CATSPERB: variants seen among roughly 807,000 people sequenced by gnomAD.
CATSPERB encodes the protein cation channel sperm-associated auxiliary subunit beta.
A neutral mutation model predicts 128.3 loss-of-function variants in CATSPERB; 93 were observed. That is an observed-to-expected ratio of 0.72 (90% CI 0.61 to 0.86). CATSPERB has a LOEUF of 0.86. Among genes scored for constraint, CATSPERB ranks in the 40% least tolerant of loss-of-function variants. The pLI is 0.00. For missense variants in CATSPERB, 1,153 were observed against 1,329.5 expected, an observed-to-expected ratio of 0.87 and a Z score of 2.06; for synonymous variants, 381 against 448.8, an observed-to-expected ratio of 0.85 and a Z score of 1.91.
rs1048427316 is a variant in CATSPERB, at chr14:91,685,574, G to C, written c.865-1631C>G. 2.6e-5 allele frequency among the ~76,000 whole-genome samples: 4 copies of C among 152,144 alleles called. No individual in the cohort carries two copies. The East Asian group carries it at 7.7e-4, about 29-fold the overall frequency. Reference sequence around the variant, plus strand: ...ACCTAAAATCTTGTGAGGCTAGTCTGGGGGCTCAACAGACAAAATAGGGTG... The same window carrying C: ...ACCTAAAATCTTGTGAGGCTAGTCTCGGGGCTCAACAGACAAAATAGGGTG... On this transcript the variant is annotated intron_variant, in intron 10 of 26. Transcript: ENST00000256343.
chr14:91,624,891 C>T lies in CATSPERB; in HGVS notation c.1859G>A (p.Ser620Asn). 6.2e-7 allele frequency: 1 copy of T among 1,612,488 alleles called. No homozygotes were observed. The highest frequency in any genetic ancestry group is 8.5e-7 in the Non-Finnish European group (1 of 1,179,484). Reference protein sequence around the residue: ...EPFGLEEVNESSCLSSSLLIN... With the variant: ...EPFGLEEVNENSCLSSSLLIN... ...CAAAAGGGAACTAGACAAACAAGAG[C>T]TCTCATTCACTTCTTCTAATCCAAA... is the stretch of plus-strand genomic sequence containing the variant. Residue 620 changes from serine to asparagine, a missense_variant, in exon 18 of 27, where the codon AGC becomes AAC. Ser to Asn is a conservative substitution (Grantham distance 46, BLOSUM62 1). Transcript: ENST00000256343.
At chr14:91,694,727 C>T (rs1264260496) in intron 7 of CATSPERB, among the ~76,000 whole-genome samples, 1 of 152,154 alleles carries the variant, frequency 6.6e-6, no homozygotes, top group Non-Finnish European at 1.5e-5. Context: ...TTCACTAAAA[C>T]CTTGTAAATG....
chr14:91,727,291 T>G (rs1405399288), intron 2 of CATSPERB, among the ~76,000 whole-genome samples: 1 of 152,172 alleles, frequency 6.6e-6, no homozygotes, highest in Non-Finnish European at 1.5e-5. Flanking sequence ...AGTTTATTGT[T>G]CTAGGAGAAC....
intron 23 of CATSPERB, among the ~76,000 whole-genome samples, chr14:91,590,873 A>C (rs1270715355): frequency 6.6e-6 from 1 of 151,616 alleles, no homozygotes; most frequent in Non-Finnish European, 1.5e-5. Context: ...GGATGGTCTC[A>C]ATCTCCTGAC....
At chr14:91,660,116 T>TCACACA (rs56413235) in intron 14 of CATSPERB, 135 bp from the exon 15 acceptor site, 181 of 239,308 alleles carry the variant, frequency 7.6e-4, no homozygotes, top group Admixed American at 1.6e-3. Flanking sequence ...TCTCTCTCTC[T>TCACACA]CACACACACA....
rs571011123 is a variant in CATSPERB at position 91,658,209 on chromosome 14, G to A, written c.1432+1628C>T. Among the ~76,000 whole-genome samples the A allele has an allele frequency of 1.4e-3, 215 of 152,262 alleles. 1 individual carries two copies. Among genetic ancestry groups the A allele is most frequent in the Non-Finnish European group, 2.2e-3 (147 of 67,998 alleles). On this transcript the variant is annotated intron_variant, in intron 15 of 26. Coordinates refer to ENST00000256343, the MANE Select transcript of CATSPERB (RefSeq NM_024764.4). ...ATGGAGTACTATTCAGCCATAAAAAGAATGAGATCCTGTCATTTGCAACAA... is the reference window on the plus strand; with the variant it reads ...ATGGAGTACTATTCAGCCATAAAAAAAATGAGATCCTGTCATTTGCAACAA...
At chr14:91,703,043 C>T (rs927477154) in intron 7 of CATSPERB, among the ~76,000 whole-genome samples, 15 of 151,900 alleles carry the variant, frequency 9.9e-5, no homozygotes, top group African/African-American at 2.9e-4. Flanking sequence ...TTCTAGCATA[C>T]CCATATTTGT....
chr14:91,692,700 T>A (rs1895492623), intron 9 of CATSPERB, among the ~76,000 whole-genome samples: 1 of 152,190 alleles, frequency 6.6e-6, no homozygotes, highest in Non-Finnish European at 1.5e-5. Context: ...AATTTTATGG[T>A]ATGCATATTA....
chr14:91,662,959 T>C (rs1894911033), intron 14 of CATSPERB, among the ~76,000 whole-genome samples: 1 of 152,214 alleles, frequency 6.6e-6, no homozygotes, highest in South Asian at 2.1e-4. Flanking sequence ...GTTAAATGTA[T>C]TGTAAATATC....
chr14:91,636,638 A>T, intron 16 of CATSPERB, 59 bp from the exon 17 acceptor site: 16 of 1,376,130 alleles, frequency 1.2e-5, no homozygotes, highest in Non-Finnish European at 1.6e-5. Context: ...AATTATGACA[A>T]AATTGAAGTC....
At chr14:91,730,028 C>T (rs1280628062) in intron 1 of CATSPERB, among the ~76,000 whole-genome samples, 5 of 152,164 alleles carry the variant, frequency 3.3e-5, no homozygotes, top group Non-Finnish European at 1.5e-5. Flanking sequence ...ATTGCTTAAT[C>T]TCACTGTACC....
At chr14:91,698,156 G>A (rs1895593120) in intron 7 of CATSPERB, among the ~76,000 whole-genome samples, 1 of 152,034 alleles carries the variant, frequency 6.6e-6, no homozygotes, top group African/African-American at 2.4e-5. Flanking sequence ...ATGGGATTGT[G>A]CTCTCGATTT....
intron 22 of CATSPERB, among the ~76,000 whole-genome samples, chr14:91,595,138 A>G (rs1159514103): frequency 6.6e-6 from 1 of 152,118 alleles, no homozygotes; most frequent in Non-Finnish European, 1.5e-5. Flanking sequence ...CCAGTTTCCC[A>G]TTTTTACTAA....
rs574779815 is a variant in CATSPERB at position 91,719,590 on chromosome 14, C to G, written c.310-112G>C. On this transcript the variant is annotated intron_variant, in intron 4 of 26. Coordinates refer to ENST00000256343, the MANE Select transcript of CATSPERB (RefSeq NM_024764.4). ...TAAACAAAAACATCCAATGCATATA[C>G]CTTTTACCTAGAAATTTCACTCTTA... The G allele has an allele frequency of 9.8e-5, 66 of 675,280 alleles. No individual in the cohort carries two copies. In the East Asian group the frequency reaches 1.6e-3, roughly 17 times the overall value. The allele number at this position is 675,280 out of a possible 1,614,324, so 41.8% of individuals were successfully genotyped here.
chr14:91,587,969 C>T lies in CATSPERB; in HGVS notation c.3057+9G>A, dbSNP rs764230511. ...CTCAACACAGTAAAAACAACAATGC[C>T]ATCATTACCTTTATGCTTAAGTTGA... is the stretch of plus-strand genomic sequence containing the variant. On this transcript the variant is annotated intron_variant, in intron 25 of 26. Transcript: ENST00000256343. 4.5e-6 allele frequency: 7 copies of T among 1,550,202 alleles called. No homozygotes were observed. The highest frequency in any genetic ancestry group is 3.4e-5 in the South Asian group (3 of 88,750).
At chr14:91,621,059 G>T (rs1004244260) in intron 19 of CATSPERB, among the ~76,000 whole-genome samples, 1 of 152,164 alleles carries the variant, frequency 6.6e-6, no homozygotes, top group African/African-American at 2.4e-5. Flanking sequence ...GTAAAATGAG[G>T]ATTATAATCT....
chr14:91,647,766 A>G (rs1743119), intron 15 of CATSPERB, among the ~76,000 whole-genome samples: 28,213 of 152,118 alleles, frequency 0.19, 2,777 homozygotes, highest in South Asian at 0.24. Flanking sequence ...CCCACAACAC[A>G]TGGGGATTAT....
chr14:91,672,646 T>C (rs1895118599), intron 13 of CATSPERB, among the ~76,000 whole-genome samples: 1 of 152,246 alleles, frequency 6.6e-6, no homozygotes, highest in Non-Finnish European at 1.5e-5. Context: ...AGAATCACTA[T>C]GCATACAGCA....
intron 15 of CATSPERB, among the ~76,000 whole-genome samples, chr14:91,650,249 G>A (rs1194761886): frequency 6.6e-6 from 1 of 152,020 alleles, no homozygotes; most frequent in Non-Finnish European, 1.5e-5. Flanking sequence ...CTAGATCATT[G>A]GTGCAATACA....
Sources: allele counts gnomAD v4.1 joint callset (sites outside exome capture counted in the v4.1 genomes callset), GRCh38; gene constraint gnomAD v4.1.1; transcripts MANE v1.5; gene names NCBI Gene and HGNC (gene_info 2026-07-23, HGNC 2026-07-21).